Variants in DEPTOR observed in about 807,000 individuals in gnomAD.
DEPTOR encodes the protein DEP domain-containing mTOR-interacting protein.
A neutral mutation model predicts 41.6 loss-of-function variants in DEPTOR; 41 were observed. The ratio of observed to expected loss-of-function variants is 0.98; its 90% CI spans 0.77 to 1.28. The LOEUF is 1.28. Ranked by LOEUF, DEPTOR falls within the 50% of genes most tolerant of loss-of-function variation. DEPTOR has a pLI of 0.00. For synonymous variants in DEPTOR, 195 were observed against 192.3 expected (o/e 1.01, Z -0.12); for missense variants, 514 against 527.9 (o/e 0.97, Z 0.26).
chr8:119,937,268 T>C (rs1168501649), intron 3 of DEPTOR, among the ~76,000 whole-genome samples: 1 of 151,862 alleles, frequency 6.6e-6, no homozygotes, highest in Non-Finnish European at 1.5e-5. Flanking sequence ...GGCGTGGTGA[T>C]GGGTGCCTGT....
intron 4 of DEPTOR, among the ~76,000 whole-genome samples, chr8:119,982,641 C>T (rs534167259): frequency 6.6e-6 from 1 of 152,290 alleles, no homozygotes; most frequent in African/African-American, 2.4e-5. Flanking sequence ...GGTCTAGAAT[C>T]CCAGGCTGAC....
At position 119,965,321 on chromosome 8, in the gene DEPTOR, A is replaced by G. The variant is rs973125890; in HGVS notation, c.515A>G (p.Asp172Gly). Residue 172 changes from aspartate to glycine, a missense_variant, in exon 4 of 9, where the codon GAC becomes GGC. Physicochemically the swap from Asp to Gly is moderately conservative, Grantham distance 94. Coordinates refer to ENST00000286234, the MANE Select transcript of DEPTOR (RefSeq NM_022783.4). Reference sequence around the variant, plus strand: ...ACCTTCATGGCATCTGAATTCCTGGACTGGCTGGTTCAGGAAGGTGAGGCC... The same window carrying G: ...ACCTTCATGGCATCTGAATTCCTGGGCTGGCTGGTTCAGGAAGGTGAGGCC... ...ERTFMASEFL[D>G]WLVQEGEATT... 6 of 1,614,090 alleles carry G rather than the reference A, an allele frequency of 3.7e-6. No homozygotes were observed. The highest frequency in any genetic ancestry group is 5.1e-6 in the Non-Finnish European group (6 of 1,180,006).
At chr8:119,968,659 T>A (rs1828594653) in intron 4 of DEPTOR, among the ~76,000 whole-genome samples, 1 of 152,128 alleles carries the variant, frequency 6.6e-6, no homozygotes, top group Non-Finnish European at 1.5e-5. Context: ...CCAGTATTTT[T>A]ATTATCTCCA....
At chr8:119,920,484 G>C (rs1423852949) in intron 1 of DEPTOR, among the ~76,000 whole-genome samples, 15 of 152,190 alleles carry the variant, frequency 9.9e-5, no homozygotes, top group Non-Finnish European at 1.3e-4. Flanking sequence ...AGGTGCCCTT[G>C]AAAAGCTGAC....
rs1208723032 is a variant in DEPTOR at position 119,878,730 on chromosome 8, C to G, written c.122+4762C>G. ...TCCTTTTTCAGCTTAACTGCAGGAC[C>G]CTTTGTTTAATTTTCTTCATGTTTT... is the stretch of plus-strand genomic sequence containing the variant. On this transcript the variant is annotated intron_variant, in intron 1 of 8. Coordinates refer to ENST00000286234, the MANE Select transcript of DEPTOR (RefSeq NM_022783.4). 3.9e-5 allele frequency among the ~76,000 whole-genome samples: 6 copies of G among 152,196 alleles called. No individual in the cohort carries two copies. In the East Asian group the frequency reaches 9.7e-4, roughly 25 times the overall value.
intron 3 of DEPTOR, 55 bp from the exon 4 acceptor site, chr8:119,965,177 G>T: frequency 6.6e-7 from 1 of 1,525,256 alleles, no homozygotes; most frequent in South Asian, 1.3e-5. Flanking sequence ...GATTTCAAAT[G>T]AGCTGTTTTC....
At chr8:120,028,480 G>T (rs1355135565) in intron 8 of DEPTOR, among the ~76,000 whole-genome samples, 2 of 123,784 alleles carry the variant, frequency 1.6e-5, no homozygotes, top group Non-Finnish European at 3.2e-5. Context: ...TTTTTCCTGA[G>T]ACGGAGTCTC....
At chr8:119,921,775 T>G (rs1289291867) in intron 1 of DEPTOR, among the ~76,000 whole-genome samples, 5 of 150,302 alleles carry the variant, frequency 3.3e-5, no homozygotes, top group Admixed American at 3.3e-4. Context: ...TTTGTTTGTT[T>G]TTTGAAACAG....
At chr8:120,028,001 C>T (rs1384616616) in intron 8 of DEPTOR, among the ~76,000 whole-genome samples, 2 of 152,126 alleles carry the variant, frequency 1.3e-5, no homozygotes, top group African/African-American at 4.8e-5. Flanking sequence ...CCTACTGGCT[C>T]AGACCTCTTA....
chr8:120,002,657 G>C (rs1042960189), intron 5 of DEPTOR, among the ~76,000 whole-genome samples: 7 of 149,520 alleles, frequency 4.7e-5, no homozygotes, highest in African/African-American at 1.7e-4. Context: ...GGACACCTAT[G>C]GTCCCAGCTA....
chr8:119,894,154 G>C (rs1043327660), intron 1 of DEPTOR, among the ~76,000 whole-genome samples: 5 of 151,872 alleles, frequency 3.3e-5, no homozygotes, highest in Non-Finnish European at 5.9e-5. Flanking sequence ...CTGCAGCATT[G>C]ACTTCCTGGG....
intron 4 of DEPTOR, among the ~76,000 whole-genome samples, chr8:119,983,702 T>C (rs1393010600): frequency 6.6e-6 from 1 of 152,144 alleles, no homozygotes; most frequent in African/African-American, 2.4e-5. Context: ...AGCTTTTCTA[T>C]AAATCTAAAG....
At chr8:120,045,048 A>G (rs1403913248) in intron 8 of DEPTOR, among the ~76,000 whole-genome samples, 1 of 152,162 alleles carries the variant, frequency 6.6e-6, no homozygotes, top group Non-Finnish European at 1.5e-5. Flanking sequence ...TTTCTCCAGA[A>G]CACCTGTGAC....
chr8:119,902,155 G>A (rs138737926), intron 1 of DEPTOR, among the ~76,000 whole-genome samples: 1 of 152,056 alleles, frequency 6.6e-6, no homozygotes, highest in Non-Finnish European at 1.5e-5. Flanking sequence ...AAAGCTTTAC[G>A]TGAAGTCTTG....
At position 119,988,068 on chromosome 8, in the gene DEPTOR, A is replaced by G. The variant is rs116167800; in HGVS notation, c.605-13457A>G. On this transcript the variant is annotated intron_variant, in intron 4 of 8. Transcript: ENST00000286234. The stretch of plus-strand genomic sequence containing the variant: ...TGTTCCAGGCACCACTGGGGTATGA[A>G]AAAAACCTCCTGCGGCTAGCTCAGT... Among the ~76,000 whole-genome samples the G allele has an allele frequency of 5.9e-3, 898 of 151,316 alleles. 11 individuals carry two copies. Among genetic ancestry groups the G allele is most frequent in the African/African-American group, 0.021 (861 of 40,666 alleles).
chr8:119,918,575 C>T (rs7462839), intron 1 of DEPTOR, among the ~76,000 whole-genome samples: 108,733 of 151,424 alleles, frequency 0.72, 39,452 homozygotes, highest in East Asian at 0.95. Context: ...ATTCTCCTGC[C>T]TCAGCCTCCC....
chr8:119,880,969 G>T (rs1405609333), intron 1 of DEPTOR, among the ~76,000 whole-genome samples: 1 of 152,162 alleles, frequency 6.6e-6, no homozygotes, highest in Non-Finnish European at 1.5e-5. Flanking sequence ...CCAAGATGAA[G>T]TGTGCTGATT....
chr8:119,892,478 T>A (rs1276668467), intron 1 of DEPTOR, among the ~76,000 whole-genome samples: 4 of 152,214 alleles, frequency 2.6e-5, no homozygotes, highest in Non-Finnish European at 5.9e-5. Context: ...GGTTTTATGC[T>A]CAGATAATAC....
intron 4 of DEPTOR, among the ~76,000 whole-genome samples, chr8:119,983,827 G>A (rs1450219167): frequency 6.6e-6 from 1 of 151,770 alleles, no homozygotes; most frequent in Non-Finnish European, 1.5e-5. Flanking sequence ...TTAAAAAAAA[G>A]ACTATGTCTT....
Sources: gnomAD v4.1 joint callset for allele counts (sites outside exome capture counted in the v4.1 genomes callset) on GRCh38, gnomAD v4.1.1 for gene constraint, MANE v1.5 for transcripts, NCBI Gene and HGNC (gene_info 2026-07-23, HGNC 2026-07-21) for gene names.